The following HMGCLL1 variants were observed in gnomAD, a reference collection of about 807,000 sequenced individuals.
HMGCLL1 encodes the protein 3-hydroxy-3-methylglutaryl-CoA lyase like 1, also known as 3-hydroxymethyl-3-methylglutaryl-CoA lyase, cytoplasmic.
HMGCLL1 carries 36 observed loss-of-function variants against 39.1 expected under a neutral mutation model. The ratio of observed to expected loss-of-function variants is 0.92; its 90% CI spans 0.71 to 1.22. The LOEUF (loss-of-function observed/expected upper bound fraction) is 1.22, where lower values mean the gene tolerates loss of function less well. Ranked by LOEUF, HMGCLL1 falls within the 50% of genes most tolerant of loss-of-function variation. HMGCLL1 has a pLI of 0.00. For synonymous variants in HMGCLL1, 149 were observed against 144.0 expected, an observed-to-expected ratio of 1.03 and a Z score of -0.25; for missense variants, 451 against 416.5, an observed-to-expected ratio of 1.08 and a Z score of -0.72.
chr6:55,574,389 G>C (rs1344085552), intron 1 of HMGCLL1, among the ~76,000 whole-genome samples: 2 of 151,658 alleles, frequency 1.3e-5, no homozygotes, highest in East Asian at 3.9e-4. Flanking sequence ...AAACGTAAAA[G>C]GCAGAGGACA....
intron 1 of HMGCLL1, among the ~76,000 whole-genome samples, chr6:55,554,416 C>T (rs994726385): frequency 1.3e-5 from 2 of 151,840 alleles, no homozygotes; most frequent in East Asian, 1.9e-4. Context: ...TAGACATTCA[C>T]ATCACAGGAT....
intron 3 of HMGCLL1, among the ~76,000 whole-genome samples, chr6:55,517,707 T>C (rs994660232): frequency 5.3e-5 from 8 of 152,034 alleles, no homozygotes; most frequent in African/African-American, 1.7e-4. Context: ...CATGTTACAA[T>C]ATTTACTCTT....
At chr6:55,467,681 A>G (rs902758337) in intron 7 of HMGCLL1, among the ~76,000 whole-genome samples, 15 of 152,046 alleles carry the variant, frequency 9.9e-5, no homozygotes, top group African/African-American at 3.6e-4. Flanking sequence ...ACTCATTGGG[A>G]TATAAAAAAT....
intron 8 of HMGCLL1, among the ~76,000 whole-genome samples, chr6:55,437,264 T>C (rs1763410191): frequency 6.6e-6 from 1 of 151,998 alleles, no homozygotes; most frequent in African/African-American, 2.4e-5. Flanking sequence ...TTCTGGAGTT[T>C]CAAGAACCTC....
chr6:55,604,862 T>G, the HMGCLL1 span, among the ~76,000 whole-genome samples: 6 of 152,324 alleles, frequency 3.9e-5, no homozygotes, highest in African/African-American at 1.4e-4. Context: ...ATTGTAAGCA[T>G]TTTTACATGT....
chr6:55,502,044 A>G (rs1300296214), intron 5 of HMGCLL1, among the ~76,000 whole-genome samples: 1 of 151,732 alleles, frequency 6.6e-6, no homozygotes, highest in Non-Finnish European at 1.5e-5. Flanking sequence ...TTCTGGTTCA[A>G]TGTTTTTGAC....
rs182345028 is a variant in HMGCLL1, at chr6:55,545,776, G to A, written c.109-3636C>T. Reference sequence around the variant, plus strand: ...TGGATTTGCCTACTAGGCATTGTTTGTGCATATCTAAGCTCATTAGAAAAA... The same window carrying A: ...TGGATTTGCCTACTAGGCATTGTTTATGCATATCTAAGCTCATTAGAAAAA... On this transcript the variant is annotated intron_variant, in intron 1 of 8. Transcript: ENST00000274901. Among the ~76,000 whole-genome samples the A allele has an allele frequency of 2.2e-3, 341 of 152,094 alleles. 1 individual carries two copies. Among genetic ancestry groups the A allele is most frequent in the Non-Finnish European group, 3.8e-3 (257 of 67,998 alleles).
At chr6:55,488,547 T>C (rs1170331341) in intron 7 of HMGCLL1, among the ~76,000 whole-genome samples, 2 of 152,068 alleles carry the variant, frequency 1.3e-5, no homozygotes, top group Non-Finnish European at 2.9e-5. Flanking sequence ...TTTAAATAAT[T>C]CATAAAATAA....
intron 7 of HMGCLL1, among the ~76,000 whole-genome samples, chr6:55,459,623 G>C (rs1011443593): frequency 2.6e-5 from 4 of 151,916 alleles, no homozygotes; most frequent in Non-Finnish European, 4.4e-5. Context: ...ATTTAATAAC[G>C]ATTTATTAAA....
chr6:55,621,880 G>C, the HMGCLL1 span, among the ~76,000 whole-genome samples: 1 of 151,814 alleles, frequency 6.6e-6, no homozygotes, highest in Non-Finnish European at 1.5e-5. Context: ...ATTTTGTTGA[G>C]GTATGTTCCT....
At chr6:55,456,219 T>C (rs887397123) in intron 7 of HMGCLL1, among the ~76,000 whole-genome samples, 1 of 152,206 alleles carries the variant, frequency 6.6e-6, no homozygotes, top group Non-Finnish European at 1.5e-5. Context: ...CCACACATAT[T>C]TGGTGTTGTA....
At chr6:55,675,499 C>G in the HMGCLL1 span, among the ~76,000 whole-genome samples, 1 of 152,084 alleles carries the variant, frequency 6.6e-6, no homozygotes, top group African/African-American at 2.4e-5. Flanking sequence ...TTCAAACTGA[C>G]TGAAATGTCA....
At chr6:55,503,119 C>T (rs144006186) in intron 5 of HMGCLL1, among the ~76,000 whole-genome samples, 49 of 151,798 alleles carry the variant, frequency 3.2e-4, no homozygotes, top group African/African-American at 8.0e-4. Flanking sequence ...ATTATTTAAA[C>T]AATCCTATCG....
chr6:55,442,248 G>A (rs1441506258), intron 7 of HMGCLL1, among the ~76,000 whole-genome samples: 2 of 151,782 alleles, frequency 1.3e-5, no homozygotes, highest in South Asian at 4.1e-4. Flanking sequence ...CTTAAAGAAT[G>A]GGGAGTATCT....
At chr6:55,502,011 AT>A (rs1766916126) in intron 5 of HMGCLL1, among the ~76,000 whole-genome samples, 1 of 151,628 alleles carries the variant, frequency 6.6e-6, no homozygotes, top group Non-Finnish European at 1.5e-5. Context: ...TGCTCCATTT[AT>A]TTTTTTCATC....
intron 7 of HMGCLL1, among the ~76,000 whole-genome samples, chr6:55,467,697 G>A (rs934383286): frequency 3.9e-5 from 6 of 152,074 alleles, no homozygotes; most frequent in Non-Finnish European, 5.9e-5. Flanking sequence ...AAAATGGAGT[G>A]TTTCTGTTGA....
chr6:55,529,726 G>T (rs1468185812), intron 3 of HMGCLL1, among the ~76,000 whole-genome samples: 1 of 152,050 alleles, frequency 6.6e-6, no homozygotes, highest in Non-Finnish European at 1.5e-5. Context: ...GTATGAGTTT[G>T]ATTTTTTTAT....
At chr6:55,670,403 T>C in the HMGCLL1 span, among the ~76,000 whole-genome samples, 18 of 151,948 alleles carry the variant, frequency 1.2e-4, no homozygotes, top group Admixed American at 5.9e-4. Flanking sequence ...GAAAATACCA[T>C]GAATAAACAA....
At chr6:55,480,057 G>T (rs1374760583) in intron 7 of HMGCLL1, among the ~76,000 whole-genome samples, 1 of 151,554 alleles carries the variant, frequency 6.6e-6, no homozygotes, top group African/African-American at 2.4e-5. Context: ...ACAGTTTGAG[G>T]TCTTAGATTT....
Sources: gnomAD v4.1 joint callset for allele counts (sites outside exome capture counted in the v4.1 genomes callset) on GRCh38, gnomAD v4.1.1 for gene constraint, MANE v1.5 for transcripts, NCBI Gene and HGNC (gene_info 2026-07-23, HGNC 2026-07-21) for gene names.